Variants in MTMR7 observed in about 807,000 individuals in gnomAD.
The protein encoded by MTMR7 is myotubularin related protein 7.
A neutral mutation model predicts 81.2 loss-of-function variants in MTMR7; 76 were observed. The ratio of observed to expected loss-of-function variants is 0.94; its 90% CI spans 0.78 to 1.13. The LOEUF (loss-of-function observed/expected upper bound fraction) is 1.13. Among genes scored for constraint, MTMR7 ranks in the 50% most tolerant of loss-of-function variants. MTMR7 has a pLI of 0.00. For missense variants in MTMR7, 1,044 were observed against 820.0 expected, an observed-to-expected ratio of 1.27 and a Z score of -3.34; for synonymous variants, 372 against 289.8, an observed-to-expected ratio of 1.28 and a Z score of -2.88.
chr8:17,383,511 A>G (rs1193418331), intron 1 of MTMR7, among the ~76,000 whole-genome samples: 1 of 152,214 alleles, frequency 6.6e-6, no homozygotes, highest in East Asian at 1.9e-4. Flanking sequence ...CAGATTTCAA[A>G]CCAGAAGTGT....
intron 12 of MTMR7, among the ~76,000 whole-genome samples, chr8:17,303,604 T>C (rs1442956142): frequency 8.6e-6 from 1 of 116,598 alleles, no homozygotes; most frequent in East Asian, 2.8e-4. Context: ...TCCCCATACA[T>C]ACAATCTTTT....
chr8:17,369,702 GTGGCA>G (rs1488405289), intron 3 of MTMR7, among the ~76,000 whole-genome samples: 1 of 137,426 alleles, frequency 7.3e-6, no homozygotes, highest in East Asian at 2.1e-4. Flanking sequence ...CTGGAGTGCA[GTGGCA>G]AGATCTCAGC....
intron 1 of MTMR7, among the ~76,000 whole-genome samples, chr8:17,389,185 T>G (rs1211269788): frequency 6.6e-6 from 1 of 152,186 alleles, no homozygotes; most frequent in African/African-American, 2.4e-5. Flanking sequence ...TTTCCTCAAC[T>G]ACCCCAGTCC....
chr8:17,365,700 T>A (rs1488510194), intron 3 of MTMR7, among the ~76,000 whole-genome samples: 1 of 152,220 alleles, frequency 6.6e-6, no homozygotes, highest in Non-Finnish European at 1.5e-5. Flanking sequence ...AATGTGCACC[T>A]TTAATTTTTA....
Position 17,299,680 on chromosome 8 carries a change from A to T in MTMR7, c.*182T>A. ...TTCCTTATATTTGATAAATGAAATG[A>T]CTACGTCCTCTTCAGTATCTAAGAA... is the stretch of plus-strand genomic sequence containing the variant. On this transcript the variant is annotated 3_prime_UTR_variant, in exon 14 of 14. Coordinates refer to ENST00000180173, the MANE Select transcript of MTMR7 (RefSeq NM_004686.5). The T allele has an allele frequency of 1.4e-6, 1 of 736,510 alleles. No individual in the cohort carries two copies. The highest frequency in any genetic ancestry group is 2.0e-5 in the South Asian group (1 of 49,916). The allele number at this position is 736,510 out of a possible 1,614,324, so 45.6% of individuals were successfully genotyped here.
At chr8:17,396,120 G>T (rs534741220) in intron 1 of MTMR7, among the ~76,000 whole-genome samples, 6 of 68,920 alleles carry the variant, frequency 8.7e-5, no homozygotes, top group Admixed American at 7.2e-4. Context: ...ACCAACATAC[G>T]GTTTATAAAA....
At chr8:17,404,884 G>A (rs185804865) in intron 1 of MTMR7, among the ~76,000 whole-genome samples, 147 of 152,238 alleles carry the variant, frequency 9.7e-4, no homozygotes, top group Admixed American at 5.8e-3. Context: ...GGAGTGCAGC[G>A]GCGCGATCTC....
rs1401314565 is a variant in MTMR7 at position 17,376,316 on chromosome 8, T to C, written c.25-3076A>G. The stretch of plus-strand genomic sequence containing the variant: ...GATATACCATTATAGGGACATATCA[T>C]ATTTCATTTACCAATTCATCAGTTG... On this transcript the variant is annotated intron_variant, in intron 1 of 13. Coordinates refer to ENST00000180173, the MANE Select transcript of MTMR7 (RefSeq NM_004686.5). Among the ~76,000 whole-genome samples the C allele has an allele frequency of 2.6e-5, 4 of 152,344 alleles. No homozygotes were observed. In the East Asian group the frequency reaches 7.7e-4, roughly 29 times the overall value.
intron 6 of MTMR7, 116 bp from the exon 7 acceptor site, chr8:17,331,398 T>C (rs1818995906): frequency 2.7e-6 from 3 of 1,119,486 alleles, no homozygotes; most frequent in Non-Finnish European, 3.7e-6. Flanking sequence ...TACGGAAACA[T>C]AATACGCTTA....
rs538166558 is a variant in MTMR7 at position 17,315,330 on chromosome 8, G to C, written c.866-1929C>G. Among the ~76,000 whole-genome samples, 164 of 152,260 alleles carry C rather than the reference G, an allele frequency of 1.1e-3. 1 individual carries two copies. Among genetic ancestry groups the C allele is most frequent in the Non-Finnish European group, 1.4e-3 (95 of 68,022 alleles). ...CAGTAAAAAAATCAGCGGCTGCCAGGGGTTAGGGTTGTGAGGGAAATAAAT... is the reference window on the plus strand; with the variant it reads ...CAGTAAAAAAATCAGCGGCTGCCAGCGGTTAGGGTTGTGAGGGAAATAAAT... On this transcript the variant is annotated intron_variant, in intron 7 of 13. Transcript: ENST00000180173.
Position 17,304,382 on chromosome 8 carries a change from T to C in MTMR7, c.1490A>G (p.Tyr497Cys), listed in dbSNP as rs923660622. ...HLPTTPCNFM[Y>C]KFWSGMYNRF... ...AAGTTACCAAGGATTTACATACTTG[T>C]ACATGAAGTTACATGGTGTTGTAGG... Residue 497 changes from tyrosine to cysteine, a missense_variant, in exon 12 of 14, where the codon TAC (tyrosine) becomes TGC (cysteine). Physicochemically the swap from Tyr to Cys is radical, Grantham distance 194. Coordinates refer to ENST00000180173, the MANE Select transcript of MTMR7 (RefSeq NM_004686.5). 3 of 1,611,888 alleles carry C rather than the reference T, an allele frequency of 1.9e-6. No homozygotes were observed. The highest frequency in any genetic ancestry group is 1.7e-4 in the Middle Eastern group (1 of 6,028).
At chr8:17,346,622 T>C (rs1290017070) in intron 5 of MTMR7, among the ~76,000 whole-genome samples, 2 of 150,854 alleles carry the variant, frequency 1.3e-5, no homozygotes, top group South Asian at 2.1e-4. Flanking sequence ...ACTACTCACA[T>C]TGACAAAAAG....
intron 4 of MTMR7, 61 bp downstream of exon 4, chr8:17,361,056 T>A: frequency 6.4e-7 from 1 of 1,574,780 alleles, no homozygotes; most frequent in Admixed American, 1.7e-5. Context: ...AATAAAGGGA[T>A]GCTAAGCTGG....
chr8:17,306,519 CT>C (rs1477681250), intron 10 of MTMR7, among the ~76,000 whole-genome samples: 1 of 152,084 alleles, frequency 6.6e-6, no homozygotes, highest in Non-Finnish European at 1.5e-5. Context: ...TCTCCCATTG[CT>C]TTGCTTTTCA....
At chr8:17,315,059 G>T (rs1027719512) in intron 7 of MTMR7, among the ~76,000 whole-genome samples, 5 of 152,202 alleles carry the variant, frequency 3.3e-5, no homozygotes, top group Non-Finnish European at 7.3e-5. Context: ...GCCGTGGGCT[G>T]AGAGTTCCCA....
At position 17,302,269 on chromosome 8, in the gene MTMR7, C is replaced by A. The variant is rs1309661359; in HGVS notation, c.1505G>T (p.Gly502Val). 1.2e-6 allele frequency: 2 copies of A among 1,613,238 alleles called. No individual in the cohort carries two copies. Among genetic ancestry groups the A allele is most frequent in the Non-Finnish European group, 8.5e-7 (1 of 1,179,670 alleles). Reference sequence around the variant, plus strand: ...CCCCTTTTCAAAGCGGTTATACATTCCACTCCAAAACCTGGAAAGGATGGC... The same window carrying A: ...CCCCTTTTCAAAGCGGTTATACATTACACTCCAAAACCTGGAAAGGATGGC... ...PCNFMYKFWS[G>V]MYNRFEKGMQ... The change falls in exon 13 of 14, where the codon GGA (glycine) becomes GTA (valine). Residue 502 changes from glycine (G) to valine (V), a missense_variant. By Grantham distance (109) the Gly-to-Val change is moderately radical (BLOSUM62 -3). Transcript: ENST00000180173.
intron 3 of MTMR7, among the ~76,000 whole-genome samples, chr8:17,364,340 G>C (rs1820156217): frequency 6.6e-6 from 1 of 152,104 alleles, no homozygotes; most frequent in African/African-American, 2.4e-5. Flanking sequence ...GTCAAAAAGT[G>C]ATGTTATGAT....
At chr8:17,370,678 A>G (rs888846740) in intron 3 of MTMR7, among the ~76,000 whole-genome samples, 1 of 152,084 alleles carries the variant, frequency 6.6e-6, no homozygotes, top group Non-Finnish European at 1.5e-5. Context: ...TTTTCCACAC[A>G]AAACAACTGA....
At chr8:17,340,719 TA>T (rs1819384234) in intron 6 of MTMR7, among the ~76,000 whole-genome samples, 1 of 152,194 alleles carries the variant, frequency 6.6e-6, no homozygotes, top group Admixed American at 6.5e-5. Flanking sequence ...AATAAATTAA[TA>T]CATACATAAT....
Sources: gnomAD v4.1 joint callset for allele counts (sites outside exome capture counted in the v4.1 genomes callset) on GRCh38, gnomAD v4.1.1 for gene constraint, MANE v1.5 for transcripts, NCBI Gene and HGNC (gene_info 2026-07-23, HGNC 2026-07-21) for gene names.